WDPCP: variants seen among roughly 807,000 people sequenced by gnomAD.
The protein encoded by WDPCP is WD repeat-containing and planar cell polarity effector protein fritz homolog.
WDPCP carries 71 observed loss-of-function variants against 93.1 expected under a neutral mutation model. The observed-to-expected ratio is 0.76, with a 90% CI of 0.63 to 0.93. The LOEUF (loss-of-function observed/expected upper bound fraction) is 0.93, where lower values mean the gene tolerates loss of function less well. Ranked by LOEUF, WDPCP falls within the 40% of genes least tolerant of loss-of-function variation. The pLI, the probability that WDPCP is intolerant of heterozygous loss-of-function variation, is 0.00. For synonymous variants in WDPCP, 315 were observed against 315.0 expected (o/e 1.00, Z 0.00); for missense variants, 844 against 887.4 (o/e 0.95, Z 0.62).
intron 1 of WDPCP, among the ~76,000 whole-genome samples, chr2:63,533,863 G>C (rs535055601): frequency 6.8e-6 from 1 of 146,734 alleles, no homozygotes; most frequent in East Asian, 2.1e-4. Flanking sequence ...AAAGATCAGA[G>C]CAGAACTGAA....
chr2:63,338,879 T>C (rs1006341563), intron 12 of WDPCP, among the ~76,000 whole-genome samples: 2 of 151,708 alleles, frequency 1.3e-5, no homozygotes, highest in Non-Finnish European at 2.9e-5. Flanking sequence ...TGTGGTTCCA[T>C]ATAAATTTTA....
intron 14 of WDPCP, among the ~76,000 whole-genome samples, chr2:63,186,735 C>T (rs867742616): frequency 6.6e-6 from 1 of 152,016 alleles, no homozygotes; most frequent in South Asian, 2.1e-4. Context: ...CTTTTATTTT[C>T]CAGGATTTGA....
chr2:63,684,614 C>A, intron 2 of WDPCP: 1 of 719,182 alleles, frequency 1.4e-6, no homozygotes, highest in Non-Finnish European at 2.6e-6. Flanking sequence ...CTTCAGAGAT[C>A]CTGCTCTTAA....
chr2:63,390,480 A>G (rs534343474), intron 10 of WDPCP, among the ~76,000 whole-genome samples: 2 of 152,332 alleles, frequency 1.3e-5, no homozygotes, highest in Admixed American at 1.3e-4. Flanking sequence ...CTAACATCAC[A>G]ATTAAAAGAA....
intron 1 of WDPCP, among the ~76,000 whole-genome samples, chr2:63,575,480 T>TATATACA (rs1197221591): frequency 4.0e-5 from 2 of 49,476 alleles, no homozygotes; most frequent in South Asian, 5.8e-4. Context: ...GTATATACAG[T>TATATACA]GTATATATAG....
Position 63,478,512 on chromosome 2 carries a change from A to G in WDPCP, c.384+6092T>C, listed in dbSNP as rs572748181. Among the ~76,000 whole-genome samples, 4 of 151,986 alleles carry G rather than the reference A, an allele frequency of 2.6e-5. 1 individual carries two copies. In the South Asian group the frequency reaches 8.3e-4, roughly 32 times the overall value. ...TACTCTCTCAGACCACAGTAGAATA[A>G]AACTCCAAAAGGAACCCTCAAAACC... On this transcript the variant is annotated intron_variant, in intron 6 of 17. Coordinates refer to ENST00000272321, the MANE Select transcript of WDPCP (RefSeq NM_015910.7).
intron 1 of WDPCP, among the ~76,000 whole-genome samples, chr2:63,567,507 C>A (rs1707163433): frequency 6.6e-6 from 1 of 152,234 alleles, no homozygotes; most frequent in Non-Finnish European, 1.5e-5. Context: ...TCTAGCTTCT[C>A]TTGAGCCCCC....
intron 13 of WDPCP, among the ~76,000 whole-genome samples, chr2:63,284,295 T>C (rs952506402): frequency 1.1e-4 from 17 of 152,184 alleles, no homozygotes; most frequent in African/African-American, 4.1e-4. Flanking sequence ...CCCTTACCTG[T>C]GGGGGGTCCC....
At chr2:63,558,680 A>T (rs1706333349) in intron 1 of WDPCP, among the ~76,000 whole-genome samples, 1 of 146,578 alleles carries the variant, frequency 6.8e-6, no homozygotes, top group Non-Finnish European at 1.5e-5. Context: ...TAGAAAATCT[A>T]GAAGAAATGA....
intron 12 of WDPCP, among the ~76,000 whole-genome samples, chr2:63,313,518 G>A (rs1049551615): frequency 1.3e-5 from 2 of 152,092 alleles, no homozygotes; most frequent in Admixed American, 1.3e-4. Context: ...GCCTGTGGAG[G>A]CCTTAAGTAT....
intron 6 of WDPCP, among the ~76,000 whole-genome samples, chr2:63,466,411 C>T (rs866818823): frequency 2.0e-5 from 3 of 151,952 alleles, no homozygotes; most frequent in Non-Finnish European, 4.4e-5. Context: ...ATATATAAAA[C>T]GTAATATTCT....
At chr2:63,276,296 C>A (rs577894344) in intron 13 of WDPCP, among the ~76,000 whole-genome samples, 6 of 152,280 alleles carry the variant, frequency 3.9e-5, no homozygotes, top group African/African-American at 1.4e-4. Context: ...CAGAACAATT[C>A]TGGTAATATG....
chr2:63,608,321 T>C (rs942948594), intron 3 of WDPCP, among the ~76,000 whole-genome samples: 1 of 152,098 alleles, frequency 6.6e-6, no homozygotes, highest in African/African-American at 2.4e-5. Flanking sequence ...CATAGTGTTA[T>C]GATGTTAGAA....
At chr2:63,482,380 G>T (rs1700317478) in intron 6 of WDPCP, among the ~76,000 whole-genome samples, 1 of 151,928 alleles carries the variant, frequency 6.6e-6, no homozygotes, top group Non-Finnish European at 1.5e-5. Flanking sequence ...GCATTATGTT[G>T]CAGTCAGCTG....
chr2:63,203,051 C>T (rs924481625), intron 14 of WDPCP, among the ~76,000 whole-genome samples: 9 of 151,964 alleles, frequency 5.9e-5, no homozygotes, highest in Admixed American at 1.3e-4. Context: ...ATTTGGGGTG[C>T]ATATGTGTGT....
Position 63,622,711 on chromosome 2 carries a change from G to A in WDPCP, n.488+27948C>T, listed in dbSNP as rs1709759227. On this transcript the variant is annotated intron_variant and non_coding_transcript_variant, in intron 3 of 4. Transcript: ENST00000467687. ...TTCTGGTCAGGGGTCACCTCCCGGT[G>A]TACTATGTCTTCCGTCAAGACATGT... 6 of 1,613,606 alleles carry A rather than the reference G, an allele frequency of 3.7e-6. No homozygotes were observed. In the East Asian group the frequency reaches 6.7e-5, roughly 18 times the overall value.
chr2:63,742,199 C>A (rs939461473), intron 2 of WDPCP, among the ~76,000 whole-genome samples: 3 of 150,318 alleles, frequency 2.0e-5, no homozygotes, highest in Non-Finnish European at 4.4e-5. Flanking sequence ...GCCTGTTGTT[C>A]TTTCTGTAAA....
chr2:63,630,687 CCT>C (rs1193367333), intron 3 of WDPCP, among the ~76,000 whole-genome samples: 2 of 152,128 alleles, frequency 1.3e-5, no homozygotes, highest in Non-Finnish European at 2.9e-5. Context: ...GATATCAGCA[CCT>C]CTTTCTCAAC....
chr2:63,492,218 AT>A (rs150659001), intron 2 of WDPCP, among the ~76,000 whole-genome samples: 2,446 of 152,270 alleles, frequency 0.016, 76 homozygotes, highest in African/African-American at 0.056. Flanking sequence ...GTTACTTCGT[AT>A]AAAGATTTTT....
Sources: allele counts gnomAD v4.1 joint callset (sites outside exome capture counted in the v4.1 genomes callset), GRCh38; gene constraint gnomAD v4.1.1; transcripts MANE v1.5; gene names NCBI Gene and HGNC (gene_info 2026-07-23, HGNC 2026-07-21).